AMBRA1: variants seen among roughly 807,000 people sequenced by gnomAD.
AMBRA1 encodes autophagy and beclin 1 regulator 1, also known as activating molecule in BECN1-regulated autophagy protein 1.
In AMBRA1, 47 loss-of-function variants were observed where a neutral mutation model predicts 125.4. The ratio of observed to expected loss-of-function variants is 0.37; its 90% CI spans 0.30 to 0.48. The LOEUF (loss-of-function observed/expected upper bound fraction) is 0.48. AMBRA1 is among the 20% of genes least tolerant of loss of function. The pLI, the probability that AMBRA1 is intolerant of heterozygous loss-of-function variation, is 0.99. For missense variants in AMBRA1, 1,331 were observed against 1,693.4 expected, an observed-to-expected ratio of 0.79 and a Z score of 3.76; for synonymous variants, 626 against 655.5, an observed-to-expected ratio of 0.95 and a Z score of 0.69.
chr11:46,578,070 T>C (rs2044022303), intron 1 of AMBRA1, among the ~76,000 whole-genome samples: 1 of 152,080 alleles, frequency 6.6e-6, no homozygotes, highest in Admixed American at 6.6e-5. Flanking sequence ...TACAGTGAAC[T>C]ACAATCACCA....
chr11:46,397,401 C>G lies in AMBRA1; in HGVS notation c.*49G>C. 6.9e-7 allele frequency: 1 copy of G among 1,458,696 alleles called. No homozygotes were observed. The highest frequency in any genetic ancestry group is 9.1e-7 in the Non-Finnish European group (1 of 1,104,244). The allele number at this position is 1,458,696 out of a possible 1,614,324, so 90.4% of individuals were successfully genotyped here. ...CCAGTTCCCAGTCAGCTGTGAGGTCCGGTTTCTGCTTGGCGGTTCGAGGGG... is the reference window on the plus strand; with the variant it reads ...CCAGTTCCCAGTCAGCTGTGAGGTCGGGTTTCTGCTTGGCGGTTCGAGGGG... On this transcript the variant is annotated 3_prime_UTR_variant, in exon 18 of 18. Transcript: ENST00000683756.
intron 11 of AMBRA1, among the ~76,000 whole-genome samples, chr11:46,477,100 CAA>C (rs966567377): frequency 1.8e-4 from 13 of 72,008 alleles, no homozygotes; most frequent in Admixed American, 5.0e-4. Context: ...AAGACTGTCT[CAA>C]AAAAAAAAAA....
chr11:46,457,010 C>T (rs1395226963), intron 11 of AMBRA1, among the ~76,000 whole-genome samples: 3 of 152,332 alleles, frequency 2.0e-5, no homozygotes, highest in East Asian at 3.9e-4. Context: ...GCCACCTACA[C>T]GTGAATTATT....
chr11:46,565,577 T>G (rs1164762940), intron 1 of AMBRA1, among the ~76,000 whole-genome samples: 2 of 151,966 alleles, frequency 1.3e-5, no homozygotes, highest in African/African-American at 4.8e-5. Context: ...TGTGGTGGCA[T>G]GTACCTGCGG....
At chr11:46,570,034 G>A (rs1382087255) in intron 1 of AMBRA1, among the ~76,000 whole-genome samples, 1 of 151,908 alleles carries the variant, frequency 6.6e-6, no homozygotes, top group Non-Finnish European at 1.5e-5. Flanking sequence ...GGCCAAAGCA[G>A]GGGATCACCT....
At chr11:46,569,440 A>AAAATATAT (rs1477022124) in intron 1 of AMBRA1, among the ~76,000 whole-genome samples, 27 of 131,362 alleles carry the variant, frequency 2.1e-4, no homozygotes, top group African/African-American at 7.6e-4. Flanking sequence ...AAAAAAAAAA[A>AAAATATAT]ATATATATAT....
intron 11 of AMBRA1, among the ~76,000 whole-genome samples, chr11:46,459,081 A>G (rs1228935853): frequency 1.3e-5 from 2 of 152,248 alleles, no homozygotes; most frequent in Non-Finnish European, 2.9e-5. Flanking sequence ...TGACCAAATT[A>G]TGTCCAACTA....
Position 46,548,302 on chromosome 11 carries a change from G to T in AMBRA1, c.79C>A (p.Arg27=). 2 of 1,614,038 alleles carry T rather than the reference G, an allele frequency of 1.2e-6. No individual in the cohort carries two copies. Among genetic ancestry groups the T allele is most frequent in the Non-Finnish European group, 1.7e-6 (2 of 1,180,012 alleles). The change falls in exon 2 of 18, where the codon CGG becomes AGG. Residue 27 remains arginine, a synonymous_variant. Transcript: ENST00000683756. ...ERGARAMGAQ[R]LLQELVEDKT... is the part of the protein sequence containing the mutation. The stretch of plus-strand genomic sequence containing the variant: ...TCTTCTACCAGCTCCTGCAGAAGCC[G>T]CTGAGCTCCCATGGCCCGAGCACCC...
At chr11:46,588,069 A>G (rs2044465247) in intron 1 of AMBRA1, among the ~76,000 whole-genome samples, 1 of 152,242 alleles carries the variant, frequency 6.6e-6, no homozygotes, top group Non-Finnish European at 1.5e-5. Context: ...GCTGTGGCTC[A>G]TGCATGTAAT....
chr11:46,492,114 G>C (rs1317263567), intron 11 of AMBRA1, among the ~76,000 whole-genome samples: 1 of 152,210 alleles, frequency 6.6e-6, no homozygotes, highest in East Asian at 1.9e-4. Context: ...TGCCAGGCAA[G>C]GAGAGGCACG....
chr11:46,534,589 T>G (rs1386958958), intron 7 of AMBRA1, among the ~76,000 whole-genome samples: 2 of 152,180 alleles, frequency 1.3e-5, no homozygotes, highest in Non-Finnish European at 2.9e-5. Flanking sequence ...CATGGATCAA[T>G]CACAGTTTAC....
intron 11 of AMBRA1, among the ~76,000 whole-genome samples, chr11:46,488,425 C>A (rs1184429586): frequency 6.6e-6 from 1 of 150,702 alleles, no homozygotes; most frequent in Non-Finnish European, 1.5e-5. Flanking sequence ...CACTGGGCAA[C>A]AGAGCGAGGC....
At chr11:46,475,877 A>C (rs1348693597) in intron 11 of AMBRA1, among the ~76,000 whole-genome samples, 1 of 152,244 alleles carries the variant, frequency 6.6e-6, no homozygotes, top group Non-Finnish European at 1.5e-5. Flanking sequence ...GGCAGCTTCA[A>C]ATAAAGGATA....
At chr11:46,580,503 G>A (rs1367452880) in intron 1 of AMBRA1, among the ~76,000 whole-genome samples, 1 of 152,090 alleles carries the variant, frequency 6.6e-6, no homozygotes, top group Non-Finnish European at 1.5e-5. Flanking sequence ...CTCCTCCAAT[G>A]TTTCCATCTC....
At chr11:46,430,035 C>T (rs1313892773) in intron 14 of AMBRA1, among the ~76,000 whole-genome samples, 2 of 152,026 alleles carry the variant, frequency 1.3e-5, no homozygotes, top group Non-Finnish European at 2.9e-5. Flanking sequence ...TCCTGACTTA[C>T]CCATCATTAA....
intron 14 of AMBRA1, among the ~76,000 whole-genome samples, chr11:46,430,539 C>T (rs925157107): frequency 1.3e-5 from 2 of 152,178 alleles, no homozygotes; most frequent in African/African-American, 2.4e-5. Context: ...AAGCACTGAT[C>T]CAGAAGTCTG....
intron 15 of AMBRA1, among the ~76,000 whole-genome samples, chr11:46,416,826 C>T (rs916312119): frequency 6.6e-6 from 1 of 152,194 alleles, no homozygotes; most frequent in African/African-American, 2.4e-5. Flanking sequence ...AGCAATCAAC[C>T]TGATCGGCAG....
chr11:46,520,430 C>T (rs1301674447), intron 7 of AMBRA1, among the ~76,000 whole-genome samples: 1 of 152,076 alleles, frequency 6.6e-6, no homozygotes, highest in African/African-American at 2.4e-5. Flanking sequence ...ACTAAACACA[C>T]CCTCACTATC....
chr11:46,530,046 C>T (rs1158627840), intron 7 of AMBRA1, among the ~76,000 whole-genome samples: 2 of 152,226 alleles, frequency 1.3e-5, no homozygotes, highest in Non-Finnish European at 1.5e-5. Context: ...AAACAGAACC[C>T]CATACACCTG....
Sources: gnomAD v4.1 joint callset for allele counts (sites outside exome capture counted in the v4.1 genomes callset) on GRCh38, gnomAD v4.1.1 for gene constraint, MANE v1.5 for transcripts, NCBI Gene and HGNC (gene_info 2026-07-23, HGNC 2026-07-21) for gene names.